Variants in GRM8 observed in about 807,000 individuals in gnomAD.
GRM8 encodes the protein glutamate metabotropic receptor 8.
In GRM8, 47 loss-of-function variants were observed where a neutral mutation model predicts 87.2. That is an observed-to-expected ratio of 0.54 (90% CI 0.43 to 0.69). GRM8 has a LOEUF of 0.69. GRM8 is among the 30% of genes least tolerant of loss of function. The pLI is 0.00. For synonymous variants in GRM8, 396 were observed against 404.5 expected (o/e 0.98, Z 0.25); for missense variants, 1,019 against 1,139.2 (o/e 0.89, Z 1.52).
intron 9 of GRM8, among the ~76,000 whole-genome samples, chr7:126,476,385 C>T (rs1262917896): frequency 6.6e-6 from 1 of 152,258 alleles, no homozygotes; most frequent in East Asian, 1.9e-4. Context: ...TGCCACTGCA[C>T]TCTAGCCTGG....
intron 3 of GRM8, among the ~76,000 whole-genome samples, chr7:127,094,659 TC>T (rs1469478896): frequency 1.7e-4 from 26 of 152,198 alleles, no homozygotes; most frequent in African/African-American, 6.0e-4. Context: ...GGTTTCTGGC[TC>T]CCAAACTGTG....
At chr7:126,914,801 T>A (rs1487826402) in intron 3 of GRM8, among the ~76,000 whole-genome samples, 1 of 152,102 alleles carries the variant, frequency 6.6e-6, no homozygotes, top group Non-Finnish European at 1.5e-5. Flanking sequence ...GGCTAAAAAC[T>A]TCCTATTGGG....
At chr7:127,231,706 G>T (rs910453865) in intron 2 of GRM8, among the ~76,000 whole-genome samples, 1 of 152,074 alleles carries the variant, frequency 6.6e-6, no homozygotes, top group Non-Finnish European at 1.5e-5. Context: ...GCAGGCCTGT[G>T]TTTCTGTCCT....
intron 3 of GRM8, among the ~76,000 whole-genome samples, chr7:126,914,156 C>G (rs189455912): frequency 6.6e-6 from 1 of 152,182 alleles, no homozygotes; most frequent in African/African-American, 2.4e-5. Context: ...AGGTGGCTAA[C>G]AAATATACGA....
intron 9 of GRM8, among the ~76,000 whole-genome samples, chr7:126,520,307 C>A (rs1812790531): frequency 6.6e-6 from 1 of 152,024 alleles, no homozygotes; most frequent in Non-Finnish European, 1.5e-5. Flanking sequence ...CATGATTTGG[C>A]ATGATAGGAA....
At chr7:127,223,111 C>A (rs767505277) in intron 2 of GRM8, among the ~76,000 whole-genome samples, 4 of 152,114 alleles carry the variant, frequency 2.6e-5, no homozygotes, top group Non-Finnish European at 5.9e-5. Flanking sequence ...ATAAGTCTAG[C>A]TAAAAACTGA....
intron 3 of GRM8, among the ~76,000 whole-genome samples, chr7:126,939,963 A>G (rs1806734301): frequency 6.6e-6 from 1 of 152,244 alleles, no homozygotes; most frequent in South Asian, 2.1e-4. Context: ...AACTAAAAGT[A>G]TATCTGCAAA....
intron 2 of GRM8, among the ~76,000 whole-genome samples, chr7:127,190,797 A>G (rs1794988740): frequency 6.6e-6 from 1 of 152,230 alleles, no homozygotes; most frequent in African/African-American, 2.4e-5. Flanking sequence ...TAGCTCAGAC[A>G]TTATTTTTTT....
At chr7:126,560,826 C>T (rs773551350) in intron 8 of GRM8, among the ~76,000 whole-genome samples, 14 of 152,272 alleles carry the variant, frequency 9.2e-5, no homozygotes, top group Non-Finnish European at 1.8e-4. Flanking sequence ...GCATATTTAT[C>T]AAGTTGGCTA....
chr7:126,658,932 G>A (rs184996963), intron 7 of GRM8, among the ~76,000 whole-genome samples: 3 of 152,060 alleles, frequency 2.0e-5, no homozygotes, highest in African/African-American at 7.2e-5. Context: ...CACAGAGGCC[G>A]CAGCCTTGAC....
At chr7:127,187,967 C>CT (rs976220804) in intron 2 of GRM8, among the ~76,000 whole-genome samples, 5 of 152,304 alleles carry the variant, frequency 3.3e-5, no homozygotes, top group African/African-American at 1.2e-4. Flanking sequence ...ATGTAACAAT[C>CT]TTTTTTGTGG....
chr7:126,768,965 T>C (rs1253804753), intron 7 of GRM8, among the ~76,000 whole-genome samples: 1 of 145,510 alleles, frequency 6.9e-6, no homozygotes, highest in African/African-American at 2.6e-5. Flanking sequence ...TCCACTTGAA[T>C]TCTAAATTGA....
rs1053423782 is a variant in GRM8, at chr7:126,904,584, C to T, written c.827G>A (p.Arg276Gln). 3.0e-5 allele frequency: 49 copies of T among 1,613,444 alleles called. No individual in the cohort carries two copies. Among genetic ancestry groups the T allele is most frequent in the Non-Finnish European group, 4.0e-5 (47 of 1,179,600 alleles). ...IKRLLETPNA[R>Q]AVIMFANEDD... ...CTCATTGGCAAACATAATCACTGCT[C>T]GAGCATTAGGTGTTTCTAGCAGGCG... The change falls in exon 4 of 11, where the codon CGA (arginine) becomes CAA (glutamine). Residue 276 changes from arginine to glutamine, a missense_variant. Coordinates refer to ENST00000339582, the MANE Select transcript of GRM8 (RefSeq NM_000845.3).
At chr7:126,629,238 T>C (rs1253640814) in intron 7 of GRM8, among the ~76,000 whole-genome samples, 1 of 152,234 alleles carries the variant, frequency 6.6e-6, no homozygotes, top group African/African-American at 2.4e-5. Flanking sequence ...TTTTAGATTT[T>C]ACATCAGTCA....
intron 7 of GRM8, among the ~76,000 whole-genome samples, chr7:126,658,419 A>AGTAG (rs1045838138): frequency 6.6e-6 from 1 of 152,196 alleles, no homozygotes; most frequent in Admixed American, 6.5e-5. Context: ...GGAACCAATG[A>AGTAG]GTAGGACTGG....
intron 7 of GRM8, among the ~76,000 whole-genome samples, chr7:126,713,883 A>G (rs1040322439): frequency 7.2e-5 from 11 of 151,920 alleles, no homozygotes; most frequent in Admixed American, 2.0e-4. Flanking sequence ...CACCTTGAAT[A>G]TATTCAATCT....
chr7:126,827,367 G>T (rs1160283682), intron 6 of GRM8, among the ~76,000 whole-genome samples: 1 of 152,126 alleles, frequency 6.6e-6, no homozygotes, highest in Non-Finnish European at 1.5e-5. Context: ...TCTTCCATTT[G>T]TCTGTATCCT....
intron 9 of GRM8, chr7:126,511,688 C>A (rs1299764440): frequency 6.6e-6 from 1 of 152,088 alleles, no homozygotes; most frequent in East Asian, 1.9e-4. Flanking sequence ...CCAAGGCATG[C>A]ACCAATGTAA....
intron 8 of GRM8, among the ~76,000 whole-genome samples, chr7:126,545,693 CA>C (rs1817071977): frequency 6.6e-6 from 1 of 152,092 alleles, no homozygotes; most frequent in South Asian, 2.1e-4. Context: ...TCTATATGGT[CA>C]GTACTTTATA....
Sources: gnomAD v4.1 joint callset for allele counts (sites outside exome capture counted in the v4.1 genomes callset) on GRCh38, gnomAD v4.1.1 for gene constraint, MANE v1.5 for transcripts, NCBI Gene and HGNC (gene_info 2026-07-23, HGNC 2026-07-21) for gene names.